The following PAWR variants were observed in gnomAD, a reference collection of about 807,000 sequenced individuals.
The protein encoded by PAWR is PRKC apoptosis WT1 regulator protein.
A neutral mutation model predicts 32.0 loss-of-function variants in PAWR; 23 were observed. The ratio of observed to expected loss-of-function variants is 0.72; its 90% CI spans 0.52 to 1.02. PAWR has a LOEUF of 1.02. Among genes scored for constraint, PAWR ranks in the 50% least tolerant of loss-of-function variants. PAWR has a pLI of 0.00. For missense variants in PAWR, 457 were observed against 437.7 expected (o/e 1.04, Z -0.39); for synonymous variants, 226 against 187.1 (o/e 1.21, Z -1.70).
At chr12:79,608,513 T>C (rs1393152369) in intron 4 of PAWR, among the ~76,000 whole-genome samples, 1 of 152,198 alleles carries the variant, frequency 6.6e-6, no homozygotes, top group Admixed American at 6.5e-5. Flanking sequence ...CCTCCTGCTG[T>C]GTGGACTGGC....
At chr12:79,672,299 A>T (rs73345551) in intron 2 of PAWR, among the ~76,000 whole-genome samples, 1,822 of 152,192 alleles carry the variant, frequency 0.012, 46 homozygotes, top group African/African-American at 0.041. Context: ...TCCAAACTCT[A>T]CCATGACCTG....
chr12:79,611,505 G>T (rs1240959542), intron 4 of PAWR, among the ~76,000 whole-genome samples: 1 of 151,544 alleles, frequency 6.6e-6, no homozygotes, highest in African/African-American at 2.4e-5. Context: ...GCTATAACTT[G>T]CTGACAGATT....
chr12:79,591,413 A>T lies in PAWR; in HGVS notation c.*1194T>A, dbSNP rs1315549063. ...CTAGATAAAAGGATACCATACTGCT[A>T]TTTGAAATTCAATCACAAAGCAAAA... On this transcript the variant is annotated 3_prime_UTR_variant, in exon 7 of 7. Coordinates refer to ENST00000328827, the MANE Select transcript of PAWR (RefSeq NM_002583.4). The T allele has an allele frequency of 6.6e-6, 1 of 152,208 alleles. No homozygotes were observed. Among genetic ancestry groups the T allele is most frequent in the Admixed American group, 6.5e-5 (1 of 15,282 alleles). The allele number at this position is 152,208 out of a possible 1,614,324, so 9.4% of individuals were successfully genotyped here.
At chr12:79,622,396 G>T (rs1031451549) in intron 2 of PAWR, among the ~76,000 whole-genome samples, 1 of 152,100 alleles carries the variant, frequency 6.6e-6, no homozygotes, top group African/African-American at 2.4e-5. Flanking sequence ...CCATGTTGGT[G>T]TGCTGCACCC....
intron 2 of PAWR, among the ~76,000 whole-genome samples, chr12:79,643,995 T>C (rs1433009032): frequency 6.6e-6 from 1 of 152,136 alleles, no homozygotes; most frequent in East Asian, 1.9e-4. Context: ...ATGAAGCAAA[T>C]GGTAAGACAA....
intron 2 of PAWR, among the ~76,000 whole-genome samples, chr12:79,627,423 T>G (rs1036692864): frequency 3.3e-5 from 5 of 152,204 alleles, no homozygotes; most frequent in African/African-American, 1.2e-4. Flanking sequence ...CTTCGCCCAC[T>G]TTTTGATGGG....
intron 2 of PAWR, among the ~76,000 whole-genome samples, chr12:79,646,393 G>C (rs965354720): frequency 2.6e-5 from 4 of 152,172 alleles, no homozygotes; most frequent in Non-Finnish European, 5.9e-5. Context: ...ATCAGTAATA[G>C]TCAAGAGTAG....
At chr12:79,642,896 T>G (rs1876397464) in intron 2 of PAWR, among the ~76,000 whole-genome samples, 1 of 152,108 alleles carries the variant, frequency 6.6e-6, no homozygotes. Context: ...CATTTCTACA[T>G]TAGGATTAAC....
chr12:79,645,120 G>A (rs912199498), intron 2 of PAWR, among the ~76,000 whole-genome samples: 3 of 151,426 alleles, frequency 2.0e-5, no homozygotes, highest in African/African-American at 7.3e-5. Context: ...CGGACTCCAA[G>A]TTTTAAGAAG....
chr12:79,648,181 T>C (rs188828119), intron 2 of PAWR, among the ~76,000 whole-genome samples: 74 of 152,218 alleles, frequency 4.9e-4, no homozygotes, highest in African/African-American at 1.8e-3. Context: ...AAAATCTTTA[T>C]AAAATCCATA....
intron 4 of PAWR, among the ~76,000 whole-genome samples, chr12:79,609,008 A>G (rs7133887): frequency 0.025 from 3,859 of 152,194 alleles, 168 homozygotes; most frequent in African/African-American, 0.085. Context: ...GGTAAAGGAT[A>G]CAATGAGCCA....
chr12:79,666,185 G>A (rs1877594085), intron 2 of PAWR, among the ~76,000 whole-genome samples: 1 of 152,082 alleles, frequency 6.6e-6, no homozygotes, highest in Non-Finnish European at 1.5e-5. Context: ...TTAGTACAAA[G>A]GGGGCTTAAA....
rs145699009 is a variant in PAWR at position 79,687,301 on chromosome 12, A to G, written c.516+2428T>C. 4.1e-3 allele frequency among the ~76,000 whole-genome samples: 624 copies of G among 152,302 alleles called. 12 individuals are homozygous for G. The highest frequency in any genetic ancestry group is 0.014 in the African/African-American group (592 of 41,562). On this transcript the variant is annotated intron_variant, in intron 2 of 6. Coordinates refer to ENST00000328827, the MANE Select transcript of PAWR (RefSeq NM_002583.4). Reference sequence around the variant, plus strand: ...TTCTGGTATCTTTAGCTGCTGTCAGATACCTTTATAACAGTATTATATATA... The same window carrying G: ...TTCTGGTATCTTTAGCTGCTGTCAGGTACCTTTATAACAGTATTATATATA...
chr12:79,593,486 G>A (rs1873630228), intron 6 of PAWR, among the ~76,000 whole-genome samples: 1 of 151,720 alleles, frequency 6.6e-6, no homozygotes, highest in African/African-American at 2.4e-5. Context: ...ATTATTTCAA[G>A]ACAGACTCTT....
rs1566014467 is a variant in PAWR, at chr12:79,639,916, T to TTCCATTCC, written c.517-18710_517-18709insGGAATGGA. Among the ~76,000 whole-genome samples the TTCCATTCC allele has an allele frequency of 3.0e-4, 37 of 122,196 alleles. 1 individual carries two copies. The highest frequency in any genetic ancestry group is 2.0e-3 in the African/African-American group (32 of 15,634). 80.2% of individuals were successfully genotyped at this position (122,196 alleles called of 152,430 possible). On this transcript the variant is annotated intron_variant, in intron 2 of 6. Transcript: ENST00000328827. ...CATTCCATTCCATTCCATTCCATTC[T>TTCCATTCC]ATTCTAGAGATGGAGTCTCACTCTA...
chr12:79,613,589 T>C lies in PAWR; in HGVS notation c.669A>G (p.Ser223=). 1 of 1,547,410 alleles carries C rather than the reference T, an allele frequency of 6.5e-7. No individual in the cohort carries two copies. The highest frequency in any genetic ancestry group is 8.9e-7 in the Non-Finnish European group (1 of 1,124,918). Residue 223 remains serine, a synonymous_variant, in exon 4 of 7, where the codon TCA becomes TCG. Coordinates refer to ENST00000328827, the MANE Select transcript of PAWR (RefSeq NM_002583.4). The part of the protein sequence containing the change: ...YLLQEPPRTV[S]GRYKSTTSVS... ...AGGATTCTTACCTTTTATATCTGCCTGAAACTGTTCTAGGTGGCTCCTGCA... is the reference window on the plus strand; with the variant it reads ...AGGATTCTTACCTTTTATATCTGCCCGAAACTGTTCTAGGTGGCTCCTGCA...
chr12:79,606,634 A>G (rs1874196713), intron 4 of PAWR, among the ~76,000 whole-genome samples: 1 of 152,176 alleles, frequency 6.6e-6, no homozygotes, highest in South Asian at 2.1e-4. Context: ...CCTATGTTCG[A>G]AAAAAATCTA....
chr12:79,645,036 C>CCACACACACA (rs60664351), intron 2 of PAWR, among the ~76,000 whole-genome samples: 14,201 of 119,886 alleles, frequency 0.12, 2,462 homozygotes, highest in African/African-American at 0.37. Context: ...TCCACCCCCA[C>CCACACACACA]CACACACACA....
intron 2 of PAWR, among the ~76,000 whole-genome samples, chr12:79,677,909 T>C (rs922035721): frequency 6.6e-6 from 1 of 152,174 alleles, no homozygotes; most frequent in Admixed American, 6.5e-5. Context: ...AGCTATAAAC[T>C]TCTCCATGAT....
Sources: gnomAD v4.1 joint callset for allele counts (sites outside exome capture counted in the v4.1 genomes callset) on GRCh38, gnomAD v4.1.1 for gene constraint, MANE v1.5 for transcripts, NCBI Gene and HGNC (gene_info 2026-07-23, HGNC 2026-07-21) for gene names.